STARD13: variants seen among roughly 807,000 people sequenced by gnomAD.
STARD13 encodes the protein stAR-related lipid transfer protein 13.
A neutral mutation model predicts 106.4 loss-of-function variants in STARD13; 62 were observed. The observed-to-expected ratio is 0.58, with a 90% CI of 0.48 to 0.72. The LOEUF (loss-of-function observed/expected upper bound fraction) is 0.72, where lower values mean the gene tolerates loss of function less well. Ranked by LOEUF, STARD13 falls within the 30% of genes least tolerant of loss-of-function variation. The pLI, the probability that STARD13 is intolerant of heterozygous loss-of-function variation, is 0.00. For synonymous variants in STARD13, 565 were observed against 553.0 expected (o/e 1.02, Z -0.31); for missense variants, 1,387 against 1,424.0 (o/e 0.97, Z 0.42).
chr13:33,218,705 A>T (rs1185731048), intron 1 of STARD13, among the ~76,000 whole-genome samples: 2 of 152,260 alleles, frequency 1.3e-5, no homozygotes, highest in Non-Finnish European at 2.9e-5. Context: ...CCATACCTTA[A>T]CACAGCAGAG....
At chr13:33,299,553 A>G (rs1055055092) in intron 1 of STARD13, among the ~76,000 whole-genome samples, 2 of 152,176 alleles carry the variant, frequency 1.3e-5, no homozygotes, top group Admixed American at 6.5e-5. Context: ...AAACACAACA[A>G]AACAAAATTT....
chr13:33,483,303 A>T, the STARD13 span, among the ~76,000 whole-genome samples: 1 of 152,244 alleles, frequency 6.6e-6, no homozygotes, highest in Non-Finnish European at 1.5e-5. Context: ...AGAACATAAC[A>T]GATCTATTTA....
the STARD13 span, among the ~76,000 whole-genome samples, chr13:33,508,895 C>T: frequency 6.6e-6 from 1 of 152,156 alleles, no homozygotes; most frequent in African/African-American, 2.4e-5. Context: ...TAGCCTATTG[C>T]TCCTAGGCTA....
intron 1 of STARD13, among the ~76,000 whole-genome samples, chr13:33,269,636 G>C (rs898462590): frequency 7.2e-5 from 11 of 152,182 alleles, no homozygotes; most frequent in African/African-American, 2.7e-4. Flanking sequence ...ACTTGGACTT[G>C]TCAGAGTCCC....
chr13:33,323,474 A>T (rs1229565879), intron 1 of STARD13, among the ~76,000 whole-genome samples: 1 of 152,156 alleles, frequency 6.6e-6, no homozygotes, highest in Non-Finnish European at 1.5e-5. Context: ...AATTTGTCAC[A>T]TAAGTGTGAT....
intron 1 of STARD13, among the ~76,000 whole-genome samples, chr13:33,212,597 C>T (rs1469461902): frequency 3.3e-5 from 5 of 152,132 alleles, no homozygotes; most frequent in Admixed American, 3.3e-4. Context: ...TTTCCAGTCT[C>T]TAGGGTCATG....
At chr13:33,542,663 C>T in the STARD13 span, among the ~76,000 whole-genome samples, 1 of 152,218 alleles carries the variant, frequency 6.6e-6, no homozygotes, top group Non-Finnish European at 1.5e-5. Flanking sequence ...CGTTCGGTTC[C>T]GGTTCTGGCC....
At chr13:33,270,051 T>C (rs1184660189) in intron 1 of STARD13, among the ~76,000 whole-genome samples, 3 of 151,938 alleles carry the variant, frequency 2.0e-5, no homozygotes, top group Non-Finnish European at 4.4e-5. Flanking sequence ...GCCTGGCCAA[T>C]CTGGTGAAAA....
At chr13:33,379,156 C>T in the STARD13 span, among the ~76,000 whole-genome samples, 1 of 152,154 alleles carries the variant, frequency 6.6e-6, no homozygotes, top group Non-Finnish European at 1.5e-5. Flanking sequence ...TGTACTTGAT[C>T]TTAACTGTCA....
At chr13:33,429,155 C>T in the STARD13 span, among the ~76,000 whole-genome samples, 2 of 152,156 alleles carry the variant, frequency 1.3e-5, no homozygotes, top group East Asian at 3.8e-4. Flanking sequence ...CCATATGATC[C>T]AGCAATCCCA....
At position 33,126,259 on chromosome 13, in the gene STARD13, AGG is replaced by A; in HGVS notation, c.1923-21_1923-20del. ...AACTGACCTAGAATTTACAGAAACC[AGG>A]TCATGCAAGCCTCCTGGGTCACACT... is the stretch of plus-strand genomic sequence containing the variant. On this transcript the variant is annotated intron_variant, in intron 6 of 13. Coordinates refer to ENST00000336934, the MANE Select transcript of STARD13 (RefSeq NM_178006.4). 6.2e-7 allele frequency: 1 copy of A among 1,612,012 alleles called. No homozygotes were observed. The highest frequency in any genetic ancestry group is 8.5e-7 in the Non-Finnish European group (1 of 1,178,738).
chr13:33,449,720 ATTGCAATTCATGAACACAGGATAACT>A, the STARD13 span, among the ~76,000 whole-genome samples: 3 of 152,166 alleles, frequency 2.0e-5, no homozygotes, highest in African/African-American at 7.2e-5. Context: ...AATATAAATT[ATTGCAATTCATGAACACAGGATAACT>A]TTCTATTTTT....
chr13:33,215,064 C>T (rs1002179758), intron 1 of STARD13, among the ~76,000 whole-genome samples: 1 of 132,090 alleles, frequency 7.6e-6, no homozygotes, highest in Non-Finnish European at 1.5e-5. Context: ...CAAGAAAATG[C>T]TTTGCCCAGC....
chr13:33,491,592 T>G, the STARD13 span, among the ~76,000 whole-genome samples: 1 of 152,214 alleles, frequency 6.6e-6, no homozygotes, highest in African/African-American at 2.4e-5. Flanking sequence ...TTGTAGACTT[T>G]ATAAAATACA....
the STARD13 span, among the ~76,000 whole-genome samples, chr13:33,458,335 C>T: frequency 6.7e-6 from 1 of 150,284 alleles, no homozygotes; most frequent in Non-Finnish European, 1.5e-5. Flanking sequence ...TGCAGTGGCT[C>T]AATCTTGGCT....
the STARD13 span, among the ~76,000 whole-genome samples, chr13:33,389,309 A>G: frequency 6.6e-6 from 1 of 152,170 alleles, no homozygotes; most frequent in Middle Eastern, 3.4e-3. Flanking sequence ...AAGGTATGTG[A>G]AACTGGTATG....
the STARD13 span, among the ~76,000 whole-genome samples, chr13:33,424,088 T>TATA: frequency 6.6e-6 from 1 of 151,674 alleles, no homozygotes; most frequent in African/African-American, 2.4e-5. Context: ...GTACTTAAAG[T>TATA]ATAATAATAA....
At chr13:33,299,127 C>G (rs1255595298) in intron 1 of STARD13, among the ~76,000 whole-genome samples, 3 of 152,212 alleles carry the variant, frequency 2.0e-5, no homozygotes, top group African/African-American at 7.2e-5. Context: ...CAGTAACATG[C>G]TGTGCAGGTT....
At chr13:33,314,282 A>G (rs988447498) in intron 1 of STARD13, among the ~76,000 whole-genome samples, 1 of 152,040 alleles carries the variant, frequency 6.6e-6, no homozygotes, top group Non-Finnish European at 1.5e-5. Context: ...CATCAGAGAA[A>G]CTCCATAGTG....
Sources: gnomAD v4.1 joint callset for allele counts (sites outside exome capture counted in the v4.1 genomes callset) on GRCh38, gnomAD v4.1.1 for gene constraint, MANE v1.5 for transcripts, NCBI Gene and HGNC (gene_info 2026-07-23, HGNC 2026-07-21) for gene names.